Variants in CYRIB observed in about 807,000 individuals in gnomAD.
CYRIB encodes the protein CYFIP-related Rac1 interactor B.
A neutral mutation model predicts 44.2 loss-of-function variants in CYRIB; 8 were observed. That is an observed-to-expected ratio of 0.18 (90% CI 0.11 to 0.33). The LOEUF is 0.33. Ranked by LOEUF, CYRIB falls within the 10% of genes least tolerant of loss-of-function variation. The probability of loss-of-function intolerance (pLI) is 1.00; values close to 1 mark genes in which losing one functional copy is unlikely to be tolerated. For synonymous variants in CYRIB, 131 were observed against 127.2 expected (o/e 1.03, Z -0.20); for missense variants, 185 against 382.8 (o/e 0.48, Z 4.31).
At chr8:129,924,515 G>GCCGAAC (rs2086253363) in intron 1 of CYRIB, among the ~76,000 whole-genome samples, 1 of 151,940 alleles carries the variant, frequency 6.6e-6, no homozygotes, top group Non-Finnish European at 1.5e-5. Context: ...TACTGAACAA[G>GCCGAAC]CCGAACCCGT....
chr8:129,997,700 C>A (rs1163178811), intron 1 of CYRIB, among the ~76,000 whole-genome samples: 2 of 152,116 alleles, frequency 1.3e-5, no homozygotes, highest in Admixed American at 6.6e-5. Flanking sequence ...GGTTCCCCTC[C>A]CCCTCCTGCC....
intron 2 of CYRIB, chr8:129,949,019 G>T (rs1219477712): frequency 6.6e-6 from 1 of 152,218 alleles, no homozygotes; most frequent in Non-Finnish European, 1.5e-5. Context: ...AGGATGCAGT[G>T]GGTCGTGATT....
exon 4 of CYRIB, chr8:129,871,386 C>T: frequency 1.2e-6 from 2 of 1,605,952 alleles, no homozygotes; most frequent in South Asian, 1.1e-5. Context: ...TCTCGTATTT[C>T]GTGGCCAGCT....
chr8:129,994,232 C>A (rs952462557), intron 1 of CYRIB, among the ~76,000 whole-genome samples: 3 of 151,976 alleles, frequency 2.0e-5, no homozygotes, highest in African/African-American at 7.3e-5. Flanking sequence ...ACCTGCAAGC[C>A]AAGGTACGCC....
chr8:129,984,735 G>A lies in CYRIB; in HGVS notation c.-295-13740C>T, dbSNP rs181687999. 1.9e-4 allele frequency among the ~76,000 whole-genome samples: 29 copies of A among 152,214 alleles called. No homozygotes were observed. The East Asian group carries it at 5.0e-3, about 26-fold the overall frequency. ...CCTCAAAATAGTCCTGGGTCCTCTA[G>A]GAATGCCCTCCAACCACCAAGTGGT... On this transcript the variant is annotated intron_variant, in intron 1 of 14. Transcript: ENST00000401979.
intron 1 of CYRIB, among the ~76,000 whole-genome samples, chr8:129,936,818 T>G (rs948844234): frequency 6.6e-6 from 1 of 150,980 alleles, no homozygotes; most frequent in Non-Finnish European, 1.5e-5. Flanking sequence ...GCCATTCTCC[T>G]GCCTCGGCCT....
chr8:129,963,264 A>G (rs1365570973), intron 2 of CYRIB, among the ~76,000 whole-genome samples: 4 of 152,218 alleles, frequency 2.6e-5, no homozygotes, highest in African/African-American at 7.2e-5. Flanking sequence ...AGATTCTTCA[A>G]TTACATAAAC....
At chr8:129,920,995 C>T (rs1278257259) in intron 1 of CYRIB, among the ~76,000 whole-genome samples, 1 of 152,062 alleles carries the variant, frequency 6.6e-6, no homozygotes, top group Non-Finnish European at 1.5e-5. Context: ...ATTGTAAGTA[C>T]TAAAACCACA....
At chr8:129,872,967 T>G (rs1443397375) in intron 3 of CYRIB, among the ~76,000 whole-genome samples, 1 of 152,014 alleles carries the variant, frequency 6.6e-6, no homozygotes, top group East Asian at 1.9e-4. Context: ...GTAACGTTAT[T>G]TTGTGCTTGG....
rs563975414 is a variant in CYRIB, at chr8:129,991,704, C to A, written c.-295-20709G>T. Among the ~76,000 whole-genome samples, 6 of 152,182 alleles carry A rather than the reference C, an allele frequency of 3.9e-5. No individual in the cohort carries two copies. In the East Asian group the frequency reaches 1.2e-3, roughly 29 times the overall value. On this transcript the variant is annotated intron_variant, in intron 1 of 14. Transcript: ENST00000401979. ...GTGGCTCATGCCTGTAATCCCAGCA[C>A]TTTGGGAGGCCGAGGCAGGCAGATC...
chr8:129,948,096 AG>A (rs1304199763), intron 2 of CYRIB: 2 of 152,250 alleles, frequency 1.3e-5, no homozygotes, highest in Non-Finnish European at 1.5e-5. Flanking sequence ...GAGTTATTAG[AG>A]TCCTCGTCAA....
intron 1 of CYRIB, among the ~76,000 whole-genome samples, chr8:129,938,666 T>C (rs1277943069): frequency 6.6e-6 from 1 of 152,142 alleles, no homozygotes; most frequent in Non-Finnish European, 1.5e-5. Context: ...CCAACAAACA[T>C]TTCTACAGCA....
chr8:129,906,014 T>C lies in CYRIB; in HGVS notation c.-49-2664A>G, dbSNP rs926815188. On this transcript the variant is annotated intron_variant, in intron 1 of 11. Transcript: ENST00000519824. ...AGGGGAAAAATCAATATCGTGAAAATGGCCATACTGCCCAAGGTAATTTAT... is the reference window on the plus strand; with the variant it reads ...AGGGGAAAAATCAATATCGTGAAAACGGCCATACTGCCCAAGGTAATTTAT... Among the ~76,000 whole-genome samples the C allele has an allele frequency of 9.9e-5, 15 of 152,174 alleles. No individual in the cohort carries two copies. In the East Asian group the frequency reaches 2.1e-3, roughly 22 times the overall value.
chr8:129,991,943 CAAAAAAAAAAAAA>C (rs35897320), intron 1 of CYRIB, among the ~76,000 whole-genome samples: 20 of 19,206 alleles, frequency 1.0e-3, no homozygotes, highest in Middle Eastern at 0.071. Flanking sequence ...AGCAGAGTCG[CAAAAAAAAAAAAA>C]AAAAAAAAAA....
At chr8:129,910,711 T>C (rs2077552856) in intron 1 of CYRIB, among the ~76,000 whole-genome samples, 1 of 152,186 alleles carries the variant, frequency 6.6e-6, no homozygotes. Context: ...GACAAGAGGA[T>C]GGCTTAAGCG....
chr8:129,978,588 A>G (rs995954485), intron 1 of CYRIB, among the ~76,000 whole-genome samples: 2 of 152,218 alleles, frequency 1.3e-5, no homozygotes, highest in African/African-American at 4.8e-5. Context: ...AGTTTTCTAA[A>G]GTATCCCTCA....
At chr8:129,929,270 G>A (rs964661153) in intron 1 of CYRIB, among the ~76,000 whole-genome samples, 1 of 151,980 alleles carries the variant, frequency 6.6e-6, no homozygotes, top group African/African-American at 2.4e-5. Flanking sequence ...GAAAGAGGGA[G>A]ACACGGGGAG....
chr8:129,956,292 A>C (rs1390781696), intron 2 of CYRIB, among the ~76,000 whole-genome samples: 1 of 152,192 alleles, frequency 6.6e-6, no homozygotes, highest in East Asian at 1.9e-4. Flanking sequence ...TAATGATATT[A>C]TAATTCTCAC....
intron 2 of CYRIB, among the ~76,000 whole-genome samples, chr8:129,900,118 G>A (rs548009685): frequency 7.9e-5 from 12 of 152,216 alleles, no homozygotes; most frequent in African/African-American, 2.9e-4. Flanking sequence ...TGACTTGAAC[G>A]AGCTCAACTC....
Sources: allele counts gnomAD v4.1 joint callset (sites outside exome capture counted in the v4.1 genomes callset), GRCh38; gene constraint gnomAD v4.1.1; transcripts MANE v1.5; gene names NCBI Gene and HGNC (gene_info 2026-07-23, HGNC 2026-07-21).